The following KAZN variants were observed in gnomAD, a reference collection of about 807,000 sequenced individuals.
The protein encoded by KAZN is kazrin.
KAZN carries 40 observed loss-of-function variants against 87.4 expected under a neutral mutation model. That is an observed-to-expected ratio of 0.46 (90% CI 0.36 to 0.60). KAZN has a LOEUF of 0.60. Ranked by LOEUF, KAZN falls within the 20% of genes least tolerant of loss-of-function variation. The pLI, the probability that KAZN is intolerant of heterozygous loss-of-function variation, is 0.00. For synonymous variants in KAZN, 466 were observed against 458.3 expected, an observed-to-expected ratio of 1.02 and a Z score of -0.22; for missense variants, 898 against 1,073.9, an observed-to-expected ratio of 0.84 and a Z score of 2.29.
At chr1:13,903,636 A>C (rs75105468) in intron 1 of KAZN, among the ~76,000 whole-genome samples, 10,677 of 152,208 alleles carry the variant, frequency 0.07, 829 homozygotes, top group African/African-American at 0.19. Flanking sequence ...TACCAGTTAC[A>C]TATAGTGAAG....
At chr1:14,373,221 ATATATG>A (rs1660647927) in intron 2 of KAZN, among the ~76,000 whole-genome samples, 1 of 149,846 alleles carries the variant, frequency 6.7e-6, no homozygotes, top group Non-Finnish European at 1.5e-5. Context: ...ATATATATAT[ATATATG>A]CACACATATA....
chr1:14,540,507 A>C (rs561794271), intron 2 of KAZN, among the ~76,000 whole-genome samples: 1 of 152,278 alleles, frequency 6.6e-6, no homozygotes, highest in South Asian at 2.1e-4. Flanking sequence ...AAGAAAAGAT[A>C]TGCCCCATCC....
At chr1:14,351,351 G>A (rs759412741) in intron 2 of KAZN, among the ~76,000 whole-genome samples, 27 of 152,182 alleles carry the variant, frequency 1.8e-4, no homozygotes, top group Non-Finnish European at 3.7e-4. Context: ...AGATCACGAG[G>A]TCAGGAGATT....
At chr1:14,025,625 G>A (rs1419475518) in intron 1 of KAZN, among the ~76,000 whole-genome samples, 1 of 152,132 alleles carries the variant, frequency 6.6e-6, no homozygotes, top group Non-Finnish European at 1.5e-5. Flanking sequence ...CTGCCATGAT[G>A]GATATACGTT....
intron 1 of KAZN, among the ~76,000 whole-genome samples, chr1:14,667,042 C>T (rs1639606207): frequency 6.6e-6 from 1 of 152,174 alleles, no homozygotes; most frequent in Non-Finnish European, 1.5e-5. Flanking sequence ...TTAAGGCCCA[C>T]CCTAAATCCA....
At chr1:14,414,557 CATG>C (rs1436129401) in intron 2 of KAZN, among the ~76,000 whole-genome samples, 1 of 152,080 alleles carries the variant, frequency 6.6e-6, no homozygotes, top group African/African-American at 2.4e-5. Flanking sequence ...ATTTATTCAG[CATG>C]ATGCCAATGT....
At chr1:14,312,464 G>A (rs753336668) in intron 2 of KAZN, among the ~76,000 whole-genome samples, 2 of 152,142 alleles carry the variant, frequency 1.3e-5, no homozygotes, top group Non-Finnish European at 2.9e-5. Flanking sequence ...AAATGGAGAA[G>A]GTGACATTTT....
chr1:14,600,550 G>A (rs1253934563), intron 1 of KAZN, among the ~76,000 whole-genome samples: 1 of 151,560 alleles, frequency 6.6e-6, no homozygotes. Context: ...TAGCCATGAC[G>A]TAATGGTGAG....
At chr1:14,099,657 G>C (rs1463896356) in intron 1 of KAZN, among the ~76,000 whole-genome samples, 1 of 152,148 alleles carries the variant, frequency 6.6e-6, no homozygotes, top group East Asian at 1.9e-4. Context: ...GAAGGTGCCA[G>C]CAATCACCAG....
intron 2 of KAZN, among the ~76,000 whole-genome samples, chr1:15,002,170 G>T (rs931379664): frequency 6.6e-6 from 1 of 152,104 alleles, no homozygotes; most frequent in East Asian, 1.9e-4. Flanking sequence ...GTGAGCCACC[G>T]TGCCTGGCCG....
chr1:15,049,311 G>A lies in KAZN; in HGVS notation c.726+5152G>A, dbSNP rs566835719. ...CACACGGACCTCGCTGCTGACGAGC[G>A]CGGCTTCTCCAGCACGGGAAATGCT... On this transcript the variant is annotated intron_variant, in intron 4 of 14. Transcript: ENST00000376030. 1.5e-4 allele frequency among the ~76,000 whole-genome samples: 23 copies of A among 152,372 alleles called. 1 individual carries two copies. In the South Asian group the frequency reaches 2.3e-3, roughly 15 times the overall value.
chr1:14,919,022 C>T (rs1386546156), intron 1 of KAZN, among the ~76,000 whole-genome samples: 5 of 151,892 alleles, frequency 3.3e-5, no homozygotes, highest in Non-Finnish European at 4.4e-5. Context: ...TCACTACCAG[C>T]GACACACACA....
At chr1:14,944,245 A>AAT (rs1661478684) in intron 1 of KAZN, among the ~76,000 whole-genome samples, 1 of 150,706 alleles carries the variant, frequency 6.6e-6, no homozygotes, top group African/African-American at 2.4e-5. Flanking sequence ...AAAAAAAAAA[A>AAT]GCAACTCACA....
chr1:14,057,459 G>C (rs556021975), intron 1 of KAZN, among the ~76,000 whole-genome samples: 2 of 152,282 alleles, frequency 1.3e-5, no homozygotes, highest in East Asian at 3.9e-4. Context: ...GTAGTTTATG[G>C]ACTAGAACTC....
At chr1:14,676,486 C>A (rs143059465) in intron 1 of KAZN, among the ~76,000 whole-genome samples, 2,557 of 152,256 alleles carry the variant, frequency 0.017, 34 homozygotes, top group Non-Finnish European at 0.025. Context: ...TGTCCTCCTG[C>A]AGGGAAGGTT....
chr1:14,370,693 CTTTTTTA>C (rs1311799691), intron 2 of KAZN, among the ~76,000 whole-genome samples: 3 of 152,130 alleles, frequency 2.0e-5, no homozygotes, highest in Admixed American at 2.0e-4. Flanking sequence ...TGTATCTTCT[CTTTTTTA>C]TTTAAGTTTG....
intron 1 of KAZN, among the ~76,000 whole-genome samples, chr1:14,952,272 G>A (rs890547538): frequency 6.7e-6 from 1 of 148,730 alleles, no homozygotes; most frequent in Non-Finnish European, 1.5e-5. Flanking sequence ...GTGTGTGTGT[G>A]TGTGTCTCAA....
At chr1:14,727,450 C>CTTTTTTTTTTTTTTTTTTTTTTTTT (rs57203868) in intron 1 of KAZN, among the ~76,000 whole-genome samples, 3 of 73,918 alleles carry the variant, frequency 4.1e-5, no homozygotes, top group South Asian at 5.2e-4. Context: ...TGTGCACTTT[C>CTTTTTTTTTTTTTTTTTTTTTTTTT]TTTTTTTTTT....
intron 2 of KAZN, among the ~76,000 whole-genome samples, chr1:14,272,173 GTTC>G (rs1651997692): frequency 6.6e-6 from 1 of 152,172 alleles, no homozygotes; most frequent in Admixed American, 6.5e-5. Flanking sequence ...ACACTCATTT[GTTC>G]TCATGAATCT....
Sources: allele counts gnomAD v4.1 joint callset (sites outside exome capture counted in the v4.1 genomes callset), GRCh38; gene constraint gnomAD v4.1.1; transcripts MANE v1.5; gene names NCBI Gene and HGNC (gene_info 2026-07-23, HGNC 2026-07-21).